Variants in PIGF observed in about 807,000 individuals in gnomAD.
PIGF encodes the protein GPI ethanolamine phosphate transferase, stabilizing subunit.
In PIGF, 23 loss-of-function variants were observed where a neutral mutation model predicts 26.0. The observed-to-expected ratio is 0.88, with a 90% confidence interval of 0.64 to 1.25. The LOEUF (loss-of-function observed/expected upper bound fraction) is 1.25, where lower values mean the gene tolerates loss of function less well. PIGF is among the 50% of genes most tolerant of loss of function. The probability of loss-of-function intolerance (pLI) is 0.00; values close to 1 mark genes in which losing one functional copy is unlikely to be tolerated. For synonymous variants in PIGF, 93 were observed against 92.6 expected, an observed-to-expected ratio of 1.00 and a Z score of -0.03; for missense variants, 278 against 249.9, an observed-to-expected ratio of 1.11 and a Z score of -0.76.
intron 3 of PIGF, among the ~76,000 whole-genome samples, chr2:46,613,059 T>A (rs1424857715): frequency 2.6e-5 from 4 of 150,980 alleles, no homozygotes; most frequent in Non-Finnish European, 4.4e-5. Flanking sequence ...TATATATATA[T>A]AAAATGGTAT....
At chr2:46,616,629 C>T (rs1670640691) in intron 1 of PIGF, 1 of 155,340 alleles carries the variant, frequency 6.4e-6, no homozygotes, top group Admixed American at 6.3e-5. Flanking sequence ...CCAGAGGAGC[C>T]TTCGCGGGCA....
chr2:46,593,821 T>C (rs1019576951), intron 4 of PIGF, among the ~76,000 whole-genome samples: 2 of 152,230 alleles, frequency 1.3e-5, no homozygotes, highest in Admixed American at 1.3e-4. Context: ...ATGATTTATT[T>C]AACTAGAAAC....
At chr2:46,584,473 T>C (rs922667479) in intron 5 of PIGF, among the ~76,000 whole-genome samples, 1 of 152,186 alleles carries the variant, frequency 6.6e-6, no homozygotes, top group African/African-American at 2.4e-5. Flanking sequence ...GTAATTTCAG[T>C]ATGGCTCTTT....
chr2:46,605,695 A>G (rs778122532), intron 4 of PIGF, among the ~76,000 whole-genome samples: 27 of 152,222 alleles, frequency 1.8e-4, no homozygotes, highest in Middle Eastern at 6.8e-3. Flanking sequence ...CTGATCCTCA[A>G]TTACTGGAGT....
chr2:46,607,980 G>A (rs968490523), intron 4 of PIGF, among the ~76,000 whole-genome samples: 7 of 152,234 alleles, frequency 4.6e-5, no homozygotes, highest in Non-Finnish European at 7.4e-5. Flanking sequence ...TTACAGGCAC[G>A]ACCCACTGCG....
chr2:46,587,720 G>T (rs1474021315), intron 5 of PIGF, among the ~76,000 whole-genome samples: 1 of 152,132 alleles, frequency 6.6e-6, no homozygotes, highest in South Asian at 2.1e-4. Flanking sequence ...GGCATGTGTG[G>T]ATTTGTTAGG....
At chr2:46,587,681 G>A (rs1451825219) in intron 5 of PIGF, among the ~76,000 whole-genome samples, 1 of 152,080 alleles carries the variant, frequency 6.6e-6, no homozygotes, top group Non-Finnish European at 1.5e-5. Flanking sequence ...TATTTTTAAA[G>A]ATTGTAGCAC....
chr2:46,612,432 A>G, intron 3 of PIGF, 88 bp from the exon 4 acceptor site: 3 of 423,242 alleles, frequency 7.1e-6, no homozygotes, highest in Non-Finnish European at 1.3e-5. Flanking sequence ...AAAATGTGAA[A>G]TATCTTCCTA....
Position 46,589,142 on chromosome 2 carries a change from T to C in PIGF, c.546+3333A>G, listed in dbSNP as rs1334641957. Among the ~76,000 whole-genome samples the C allele has an allele frequency of 6.6e-6, 1 of 152,074 alleles. No individual in the cohort carries two copies. Among genetic ancestry groups the C allele is most frequent in the Non-Finnish European group, 1.5e-5 (1 of 67,938 alleles). ...ACAACAAAGATGACCAACAGTATAA[T>C]GGGTAGCTACCCTACCATATTCTCT... On this transcript the variant is annotated intron_variant, in intron 5 of 5. Transcript: ENST00000281382. This position sits in a 1 kb window ranked among gnomAD's most constrained non-coding sequence, Gnocchi z 4.7.
At position 46,614,921 on chromosome 2, in the gene PIGF, G is replaced by T; in HGVS notation, c.228+16C>A. On this transcript the variant is annotated intron_variant, in intron 2 of 5. Coordinates refer to ENST00000281382, the MANE Select transcript of PIGF (RefSeq NM_002643.4). ...TAGCTCCATCCAAAAATCAGTTATT[G>T]AGACATAAGCCTTACCTTGTGTGAT... 1 of 1,175,000 alleles carries T rather than the reference G, an allele frequency of 8.5e-7. No homozygotes were observed. Among genetic ancestry groups the T allele is most frequent in the Non-Finnish European group, 1.3e-6 (1 of 784,908 alleles). 72.8% of individuals were successfully genotyped at this position (1,175,000 alleles called of 1,614,324 possible). A position where few individuals can be genotyped will look rare whatever the true frequency, so the allele number is the denominator to read the frequency against.
At chr2:46,592,680 C>A in intron 4 of PIGF, 97 bp from the exon 5 acceptor site, 1 of 624,256 alleles carries the variant, frequency 1.6e-6, no homozygotes, top group African/African-American at 1.8e-5. Flanking sequence ...ACATATATTT[C>A]CTGCTAATTT....
chr2:46,607,369 T>C (rs1670258041), intron 4 of PIGF, among the ~76,000 whole-genome samples: 1 of 152,196 alleles, frequency 6.6e-6, no homozygotes, highest in African/African-American at 2.4e-5. Context: ...ATTGTAATAT[T>C]TGGGTGCAGG....
chr2:46,588,355 C>A lies in PIGF; in HGVS notation c.546+4120G>T. On this transcript the variant is annotated intron_variant, in intron 5 of 5. Transcript: ENST00000281382. This position sits in a 1 kb window ranked among gnomAD's most constrained non-coding sequence, Gnocchi z 4.1. ...TAACATATTCTCTAATATATGAGAA[C>A]TCAAATAAATCATGGAATTTGCATT... The A allele has an allele frequency of 1.2e-6, 1 of 816,596 alleles. No individual in the cohort carries two copies. The highest frequency in any genetic ancestry group is 1.8e-6 in the Non-Finnish European group (1 of 553,322). 50.6% of individuals were successfully genotyped at this position (816,596 alleles called of 1,614,324 possible).
intron 4 of PIGF, among the ~76,000 whole-genome samples, chr2:46,606,320 G>A (rs1027475513): frequency 1.3e-5 from 2 of 152,154 alleles, no homozygotes; most frequent in African/African-American, 4.8e-5. Context: ...ACGTGTATCT[G>A]TGCCCTCTGA....
rs757842032 is a variant in PIGF at position 46,606,848 on chromosome 2, C to A, written c.437+5380G>T. On this transcript the variant is annotated intron_variant, in intron 4 of 5. Transcript: ENST00000281382. ...ACCAAAATGCAAAATGTGGAAAGAA[C>A]CTAGATGTCCATCAACTGATAAATG... 2.6e-5 allele frequency among the ~76,000 whole-genome samples: 4 copies of A among 152,234 alleles called. No homozygotes were observed. The East Asian group carries it at 5.8e-4, about 22-fold the overall frequency.
In PIGF at chr2:46,588,416, C is replaced by A; in HGVS notation, c.546+4059G>T. ...TAAAAATATAGTCATTAAACTATGTCTTTTCTAGGTCACAAATGCCTGTAA... is the reference window on the plus strand; with the variant it reads ...TAAAAATATAGTCATTAAACTATGTATTTTCTAGGTCACAAATGCCTGTAA... On this transcript the variant is annotated intron_variant, in intron 5 of 5. Transcript: ENST00000281382. This position sits in a 1 kb window ranked among gnomAD's most constrained non-coding sequence, Gnocchi z 4.1. The A allele has an allele frequency of 5.0e-6, 2 of 401,940 alleles. No homozygotes were observed. Among genetic ancestry groups the A allele is most frequent in the Non-Finnish European group, 4.4e-6 (1 of 226,966 alleles). 24.9% of individuals were successfully genotyped at this position (401,940 alleles called of 1,614,324 possible).
At chr2:46,609,769 C>T (rs1670347526) in intron 4 of PIGF, among the ~76,000 whole-genome samples, 1 of 152,094 alleles carries the variant, frequency 6.6e-6, no homozygotes, top group Non-Finnish European at 1.5e-5. Context: ...AGATGTACAA[C>T]ATTTATTAAG....
intron 1 of PIGF, chr2:46,616,450 C>T (rs1217208057): frequency 6.6e-6 from 1 of 152,436 alleles, no homozygotes; most frequent in African/African-American, 2.4e-5. Flanking sequence ...TGAGCAGGAC[C>T]CAAACTCAAA....
intron 5 of PIGF, among the ~76,000 whole-genome samples, chr2:46,585,779 CT>C (rs141047970): frequency 6.4e-4 from 94 of 146,364 alleles, no homozygotes; most frequent in African/African-American, 6.0e-4. Flanking sequence ...AAGCAATCAT[CT>C]TTTTTTTTTT....
Sources: gnomAD v4.1 joint callset for allele counts (sites outside exome capture counted in the v4.1 genomes callset) on GRCh38, gnomAD v4.1.1 for gene constraint, Gnocchi (gnomAD v3.1) non-coding constraint, MANE v1.5 for transcripts, NCBI Gene and HGNC (gene_info 2026-07-23, HGNC 2026-07-21) for gene names.